VPS13B: variants seen among roughly 807,000 people sequenced by gnomAD.
VPS13B encodes the protein vacuolar protein sorting 13 homolog B, also known as intermembrane lipid transfer protein VPS13B.
Under a neutral mutation model 426.4 loss-of-function variants are expected in VPS13B, and 285 were observed. The observed-to-expected ratio is 0.67, with a 90% CI of 0.61 to 0.74. The LOEUF (loss-of-function observed/expected upper bound fraction) is 0.74, where lower values mean the gene tolerates loss of function less well. Among genes scored for constraint, VPS13B ranks in the 30% least tolerant of loss-of-function variants. The probability of loss-of-function intolerance (pLI) is 0.00; values close to 1 mark genes in which losing one functional copy is unlikely to be tolerated. For missense variants in VPS13B, 4,537 were observed against 4,782.6 expected (o/e 0.95, Z 1.51); for synonymous variants, 1,676 against 1,676.4 (o/e 1.00, Z 0.01).
intron 10 of VPS13B, among the ~76,000 whole-genome samples, 157 bp from the exon 11 acceptor site, chr8:99,135,439 C>G (rs759678279): frequency 6.6e-6 from 1 of 151,950 alleles, no homozygotes; most frequent in Non-Finnish European, 1.5e-5. Context: ...TGATCTTTGG[C>G]AAAATAGTCA....
chr8:99,246,633 C>T (rs1347278944), intron 17 of VPS13B, among the ~76,000 whole-genome samples: 1 of 151,876 alleles, frequency 6.6e-6, no homozygotes, highest in Non-Finnish European at 1.5e-5. Flanking sequence ...TTTGGGAGGC[C>T]GAGGTGGGTG....
At chr8:99,352,390 A>G (rs913350183) in intron 19 of VPS13B, among the ~76,000 whole-genome samples, 2 of 152,166 alleles carry the variant, frequency 1.3e-5, no homozygotes, top group African/African-American at 4.8e-5. Context: ...TTCTGCAGCC[A>G]TCTTACACAG....
chr8:99,084,787 G>C (rs1434587900), intron 3 of VPS13B, among the ~76,000 whole-genome samples: 3 of 152,172 alleles, frequency 2.0e-5, no homozygotes, highest in Non-Finnish European at 4.4e-5. Context: ...TGAATCCTGA[G>C]TTCTAGTTTG....
chr8:99,875,337 A>T (rs954542602), intron 61 of VPS13B, 81 bp from the exon 62 acceptor site: 34 of 1,588,110 alleles, frequency 2.1e-5, no homozygotes, highest in Middle Eastern at 2.0e-4. Flanking sequence ...ATGTACAAAT[A>T]TATCGAGGCA....
intron 19 of VPS13B, among the ~76,000 whole-genome samples, chr8:99,281,655 A>G (rs1278080244): frequency 6.6e-6 from 1 of 152,308 alleles, no homozygotes; most frequent in East Asian, 1.9e-4. Flanking sequence ...CCTGTGCGAT[A>G]AGTAATAAAG....
intron 19 of VPS13B, among the ~76,000 whole-genome samples, chr8:99,368,538 A>G (rs973526259): frequency 1.3e-5 from 2 of 152,130 alleles, no homozygotes; most frequent in Non-Finnish European, 2.9e-5. Flanking sequence ...TCTTAAATCT[A>G]TTTAGTTATA....
intron 36 of VPS13B, among the ~76,000 whole-genome samples, chr8:99,710,221 A>C (rs530659495): frequency 6.6e-6 from 1 of 152,330 alleles, no homozygotes; most frequent in Non-Finnish European, 1.5e-5. Context: ...ATAAACACAC[A>C]CACACACAGA....
At chr8:99,672,872 A>G (rs935719211) in intron 35 of VPS13B, among the ~76,000 whole-genome samples, 1 of 152,036 alleles carries the variant, frequency 6.6e-6, no homozygotes, top group Non-Finnish European at 1.5e-5. Flanking sequence ...AATTTTGTCA[A>G]ATGCTTTTTC....
At chr8:99,320,508 A>G (rs1220580761) in intron 19 of VPS13B, among the ~76,000 whole-genome samples, 1 of 152,100 alleles carries the variant, frequency 6.6e-6, no homozygotes, top group Admixed American at 6.6e-5. Context: ...TTACTTGTTT[A>G]ACTTTAATCT....
intron 29 of VPS13B, among the ~76,000 whole-genome samples, chr8:99,517,526 T>G (rs1171000241): frequency 1.3e-5 from 2 of 152,176 alleles, no homozygotes; most frequent in African/African-American, 2.4e-5. Flanking sequence ...AATTGAACAT[T>G]CTACTATTTT....
intron 36 of VPS13B, among the ~76,000 whole-genome samples, chr8:99,712,759 C>CAAA (rs386360840): frequency 3.1e-5 from 3 of 98,144 alleles, no homozygotes; most frequent in Non-Finnish European, 4.6e-5. Flanking sequence ...GTCCCCAAGC[C>CAAA]AAAAAAAAAA....
At chr8:99,371,238 G>A (rs1813163431) in intron 19 of VPS13B, among the ~76,000 whole-genome samples, 1 of 152,082 alleles carries the variant, frequency 6.6e-6, no homozygotes, top group Non-Finnish European at 1.5e-5. Flanking sequence ...TGGTTCTATG[G>A]GAAATTTTTA....
intron 19 of VPS13B, among the ~76,000 whole-genome samples, chr8:99,305,444 C>A (rs1240275520): frequency 1.3e-5 from 2 of 152,176 alleles, no homozygotes; most frequent in East Asian, 3.9e-4. Context: ...GCAAATGCAA[C>A]ACCATTTTTT....
intron 19 of VPS13B, among the ~76,000 whole-genome samples, chr8:99,364,110 G>A (rs549681457): frequency 1.3e-5 from 2 of 152,142 alleles, no homozygotes; most frequent in East Asian, 3.9e-4. Flanking sequence ...TGTTATATAT[G>A]GCTTTTATTA....
intron 19 of VPS13B, among the ~76,000 whole-genome samples, chr8:99,345,196 C>T (rs1811473013): frequency 6.6e-6 from 1 of 152,094 alleles, no homozygotes; most frequent in Non-Finnish European, 1.5e-5. Flanking sequence ...GTATGCATTG[C>T]TCTGTTTCTG....
chr8:99,474,380 G>T (rs1186765564), intron 24 of VPS13B, among the ~76,000 whole-genome samples: 1 of 151,640 alleles, frequency 6.6e-6, no homozygotes, highest in African/African-American at 2.4e-5. Context: ...TAGAGACAGG[G>T]TTTCACCTGT....
rs12056797 is a variant in VPS13B at position 99,425,242 on chromosome 8, G to A, written c.3083-6295G>A. 4.6e-4 allele frequency among the ~76,000 whole-genome samples: 70 copies of A among 152,212 alleles called. 1 individual carries two copies. In the East Asian group the frequency reaches 0.013, roughly 28 times the overall value. On this transcript the variant is annotated intron_variant, in intron 21 of 61. Transcript: ENST00000357162. ...AGTCCAGCATCATCCTGATACCAAA[G>A]CCTGGCAGAGACCCAACAAAAAAAG...
At chr8:99,233,608 A>C (rs1816475870) in intron 17 of VPS13B, 1 of 1,195,744 alleles carries the variant, frequency 8.4e-7, no homozygotes, top group African/African-American at 1.5e-5. Flanking sequence ...CAAAGGCCTC[A>C]CGCAGCTTCT....
intron 17 of VPS13B, among the ~76,000 whole-genome samples, chr8:99,212,577 A>G (rs1258259804): frequency 6.6e-6 from 1 of 152,224 alleles, no homozygotes; most frequent in African/African-American, 2.4e-5. Flanking sequence ...AAATAGAGTC[A>G]GAGAACTGAT....
Sources: allele counts gnomAD v4.1 joint callset (sites outside exome capture counted in the v4.1 genomes callset), GRCh38; gene constraint gnomAD v4.1.1; transcripts MANE v1.5; gene names NCBI Gene and HGNC (gene_info 2026-07-23, HGNC 2026-07-21).